The following ZNF804B variants were observed in gnomAD, a reference collection of about 807,000 sequenced individuals.
The protein encoded by ZNF804B is zinc finger 804B.
In ZNF804B, 80 loss-of-function variants were observed where a neutral mutation model predicts 101.4. The observed-to-expected ratio is 0.79, with a 90% CI of 0.66 to 0.95. The LOEUF (loss-of-function observed/expected upper bound fraction) is 0.95. ZNF804B is among the 40% of genes least tolerant of loss of function. ZNF804B has a pLI of 0.00. For missense variants in ZNF804B, 1,673 were observed against 1,561.9 expected (o/e 1.07, Z -1.20); for synonymous variants, 622 against 558.8 (o/e 1.11, Z -1.59).
intron 1 of ZNF804B, among the ~76,000 whole-genome samples, chr7:89,186,095 TAAC>T (rs1788371854): frequency 1.3e-5 from 2 of 151,932 alleles, no homozygotes; most frequent in Admixed American, 6.6e-5. Context: ...TATGAAAAAT[TAAC>T]AATCAGAAAG....
intron 1 of ZNF804B, among the ~76,000 whole-genome samples, chr7:89,116,467 C>T (rs1352141062): frequency 1.3e-5 from 2 of 152,096 alleles, no homozygotes; most frequent in Non-Finnish European, 2.9e-5. Flanking sequence ...CCTCAGACAG[C>T]GTGTTTTGAG....
At chr7:89,208,240 C>A (rs1342952862) in intron 1 of ZNF804B, among the ~76,000 whole-genome samples, 1 of 152,078 alleles carries the variant, frequency 6.6e-6, no homozygotes, top group Non-Finnish European at 1.5e-5. Context: ...AGCCACCACG[C>A]CTGGCTAATT....
At chr7:88,785,393 C>G (rs1195468716) in intron 1 of ZNF804B, among the ~76,000 whole-genome samples, 1 of 152,106 alleles carries the variant, frequency 6.6e-6, no homozygotes, top group African/African-American at 2.4e-5. Flanking sequence ...TTTGTACAGA[C>G]TTCTATTATC....
At chr7:88,807,313 A>G (rs1448959341) in intron 1 of ZNF804B, among the ~76,000 whole-genome samples, 1 of 152,198 alleles carries the variant, frequency 6.6e-6, no homozygotes, top group Non-Finnish European at 1.5e-5. Context: ...GGTGAACAAT[A>G]AAAAGAACAA....
At chr7:88,980,258 C>T (rs766502655) in intron 1 of ZNF804B, among the ~76,000 whole-genome samples, 1 of 151,938 alleles carries the variant, frequency 6.6e-6, no homozygotes, top group African/African-American at 2.4e-5. Context: ...ATTTTGAATT[C>T]TCTGTCTGAA....
intron 1 of ZNF804B, among the ~76,000 whole-genome samples, chr7:88,937,874 A>G (rs371701646): frequency 2.6e-5 from 4 of 152,024 alleles, no homozygotes; most frequent in African/African-American, 9.7e-5. Context: ...AGAGATTGAG[A>G]GAGGTATGTA....
chr7:89,208,997 G>A (rs985564479), intron 1 of ZNF804B, among the ~76,000 whole-genome samples: 3 of 152,058 alleles, frequency 2.0e-5, no homozygotes, highest in Non-Finnish European at 4.4e-5. Context: ...GGGCGACAGA[G>A]TGAGACTCTT....
intron 1 of ZNF804B, among the ~76,000 whole-genome samples, chr7:88,848,462 A>G (rs1791406768): frequency 6.6e-6 from 1 of 152,162 alleles, no homozygotes; most frequent in South Asian, 2.1e-4. Flanking sequence ...CAGAGGTTAC[A>G]GTGCACTTAG....
intron 1 of ZNF804B, among the ~76,000 whole-genome samples, chr7:88,857,927 G>A (rs528271736): frequency 2.2e-5 from 3 of 135,922 alleles, no homozygotes; most frequent in Non-Finnish European, 3.1e-5. Context: ...AGGATCAAGC[G>A]ATTTCATGCG....
intron 2 of ZNF804B, among the ~76,000 whole-genome samples, chr7:89,261,654 A>G (rs1179217503): frequency 6.6e-6 from 1 of 152,212 alleles, no homozygotes; most frequent in Non-Finnish European, 1.5e-5. Flanking sequence ...CACCTAATCT[A>G]TATGGTATAG....
chr7:89,147,936 A>G (rs1790814950), intron 1 of ZNF804B, among the ~76,000 whole-genome samples: 1 of 151,916 alleles, frequency 6.6e-6, no homozygotes, highest in South Asian at 2.1e-4. Flanking sequence ...ATATATTACA[A>G]TGAAATATAT....
At chr7:89,075,677 A>T (rs1474883071) in intron 1 of ZNF804B, among the ~76,000 whole-genome samples, 1 of 152,166 alleles carries the variant, frequency 6.6e-6, no homozygotes, top group Non-Finnish European at 1.5e-5. Flanking sequence ...CGCCTAGTAG[A>T]GTATGAGAAG....
chr7:88,843,548 T>A (rs912300843), intron 1 of ZNF804B, among the ~76,000 whole-genome samples: 4 of 151,968 alleles, frequency 2.6e-5, no homozygotes, highest in African/African-American at 9.7e-5. Context: ...CCATCCTGGC[T>A]AACACGGTCA....
At chr7:89,032,893 T>G (rs1194576660) in intron 1 of ZNF804B, among the ~76,000 whole-genome samples, 1 of 152,118 alleles carries the variant, frequency 6.6e-6, no homozygotes, top group African/African-American at 2.4e-5. Flanking sequence ...TGTGGAATAA[T>G]TAAATGATTC....
intron 2 of ZNF804B, among the ~76,000 whole-genome samples, chr7:89,284,109 C>CACAAA: frequency 6.6e-6 from 1 of 152,242 alleles, no homozygotes; most frequent in African/African-American, 2.4e-5. Flanking sequence ...TGTAAACAAA[C>CACAAA]ACAAAGATGC....
intron 2 of ZNF804B, among the ~76,000 whole-genome samples, chr7:89,326,312 C>G (rs1472149474): frequency 6.6e-6 from 1 of 151,996 alleles, no homozygotes; most frequent in Non-Finnish European, 1.5e-5. Flanking sequence ...GTAGTTATCT[C>G]ACCACTGTCT....
chr7:88,845,282 C>CGCGT (rs1491180313), intron 1 of ZNF804B, among the ~76,000 whole-genome samples: 2,587 of 126,670 alleles, frequency 0.02, 75 homozygotes, highest in African/African-American at 0.086. Context: ...TGTGTGCGCA[C>CGCGT]GCGCGCGCGC....
At chr7:88,830,669 C>T (rs1288753697) in intron 1 of ZNF804B, among the ~76,000 whole-genome samples, 1 of 151,888 alleles carries the variant, frequency 6.6e-6, no homozygotes, top group East Asian at 1.9e-4. Flanking sequence ...AGGAAACTGA[C>T]ATTGGTGAAA....
chr7:88,954,914 A>G (rs1249692869), intron 1 of ZNF804B, among the ~76,000 whole-genome samples: 1 of 151,636 alleles, frequency 6.6e-6, no homozygotes, highest in Non-Finnish European at 1.5e-5. Flanking sequence ...GACAGGAATT[A>G]TTAAGTATAG....
Sources: gnomAD v4.1 joint callset for allele counts (sites outside exome capture counted in the v4.1 genomes callset) on GRCh38, gnomAD v4.1.1 for gene constraint, MANE v1.5 for transcripts, NCBI Gene and HGNC (gene_info 2026-07-23, HGNC 2026-07-21) for gene names.